HS3ST3B1: variants seen among roughly 807,000 people sequenced by gnomAD.
HS3ST3B1 encodes the protein heparan sulfate glucosamine 3-O-sulfotransferase 3B1.
A neutral mutation model predicts 21.3 loss-of-function variants in HS3ST3B1; 13 were observed. The ratio of observed to expected loss-of-function variants is 0.61; its 90% CI spans 0.40 to 0.97. The LOEUF is 0.97. Ranked by LOEUF, HS3ST3B1 falls within the 50% of genes least tolerant of loss-of-function variation. The probability of loss-of-function intolerance (pLI) is 0.00; values close to 1 mark genes in which losing one functional copy is unlikely to be tolerated. For missense variants in HS3ST3B1, 459 were observed against 554.8 expected (o/e 0.83, Z 1.73); for synonymous variants, 234 against 254.8 (o/e 0.92, Z 0.78).
intron 1 of HS3ST3B1, among the ~76,000 whole-genome samples, chr17:14,338,285 C>T (rs555223060): frequency 6.6e-6 from 1 of 151,172 alleles, no homozygotes; most frequent in Non-Finnish European, 1.5e-5. Context: ...GCCGCCACGC[C>T]CGGCTAATTT....
At chr17:14,318,786 T>A (rs957953254) in intron 1 of HS3ST3B1, among the ~76,000 whole-genome samples, 3 of 152,160 alleles carry the variant, frequency 2.0e-5, no homozygotes, top group African/African-American at 7.2e-5. Context: ...TCACTGTTAT[T>A]TTTGGGATGG....
chr17:14,336,808 C>T (rs1301934374), intron 1 of HS3ST3B1, among the ~76,000 whole-genome samples: 1 of 152,122 alleles, frequency 6.6e-6, no homozygotes, highest in Non-Finnish European at 1.5e-5. Flanking sequence ...TAAATGAGAA[C>T]TTAGTGTCTT....
rs1908901627 is a variant in HS3ST3B1 at position 14,301,199 on chromosome 17, C to T, written c.-320C>T. The T allele has an allele frequency of 7.5e-6, 3 of 402,212 alleles. No individual in the cohort carries two copies. The highest frequency in any genetic ancestry group is 8.8e-6 in the Non-Finnish European group (2 of 226,636). 24.9% of individuals were successfully genotyped at this position (402,212 alleles called of 1,614,324 possible). On this transcript the variant is annotated 5_prime_UTR_variant, in exon 1 of 2. Coordinates refer to ENST00000360954, the MANE Select transcript of HS3ST3B1 (RefSeq NM_006041.3). Reference sequence around the variant, plus strand: ...TGCGCACAGTCTAGAGTGGCCAGGGCGCGAGAGTGCAACGTCCTCCTGGCC... The same window carrying T: ...TGCGCACAGTCTAGAGTGGCCAGGGTGCGAGAGTGCAACGTCCTCCTGGCC...
At chr17:14,329,471 A>C (rs1205052786) in intron 1 of HS3ST3B1, 1 of 151,552 alleles carries the variant, frequency 6.6e-6, no homozygotes, top group Non-Finnish European at 1.5e-5. Context: ...AGAGAGAAAG[A>C]AAGAAAAAGA....
At chr17:14,325,822 C>T (rs1031915689) in intron 1 of HS3ST3B1, among the ~76,000 whole-genome samples, 1 of 152,204 alleles carries the variant, frequency 6.6e-6, no homozygotes, top group Non-Finnish European at 1.5e-5. Flanking sequence ...CGCCAACCTC[C>T]TACATTTTAT....
rs917973069 is a variant in HS3ST3B1 at position 14,303,570 on chromosome 17, G to T, written c.554+1498G>T. On this transcript the variant is annotated intron_variant, in intron 1 of 1. Transcript: ENST00000360954. This position sits in a 1 kb window ranked among gnomAD's most constrained non-coding sequence, Gnocchi z 5.7. ...TCTGGAGTCCGACGCCTGGATTCACGTCCTGGCTAGTCGCGTGAACCTTGG... is the reference window on the plus strand; with the variant it reads ...TCTGGAGTCCGACGCCTGGATTCACTTCCTGGCTAGTCGCGTGAACCTTGG... Among the ~76,000 whole-genome samples the T allele has an allele frequency of 6.6e-6, 1 of 152,192 alleles. No individual in the cohort carries two copies. Among genetic ancestry groups the T allele is most frequent in the Non-Finnish European group, 1.5e-5 (1 of 68,046 alleles).
At chr17:14,324,103 C>A (rs1024881363) in intron 1 of HS3ST3B1, among the ~76,000 whole-genome samples, 54 of 152,080 alleles carry the variant, frequency 3.6e-4, no homozygotes, top group African/African-American at 1.3e-3. Context: ...GACCCAGGAG[C>A]CCTTTTCTCG....
intron 1 of HS3ST3B1, among the ~76,000 whole-genome samples, chr17:14,332,006 C>G (rs1156752513): frequency 6.6e-6 from 1 of 152,168 alleles, no homozygotes; most frequent in Non-Finnish European, 1.5e-5. Context: ...TTACAACTTG[C>G]AGTTCAAATT....
intron 1 of HS3ST3B1, among the ~76,000 whole-genome samples, chr17:14,332,015 T>G (rs1910029399): frequency 1.3e-5 from 2 of 152,178 alleles, no homozygotes; most frequent in African/African-American, 4.8e-5. Flanking sequence ...GCAGTTCAAA[T>G]TACAGCTCTC....
At chr17:14,309,141 G>T (rs1443383068) in intron 1 of HS3ST3B1, among the ~76,000 whole-genome samples, 1 of 152,228 alleles carries the variant, frequency 6.6e-6, no homozygotes, top group Non-Finnish European at 1.5e-5. Context: ...TGGACATCCC[G>T]TTCTGGAAGG....
intron 1 of HS3ST3B1, among the ~76,000 whole-genome samples, chr17:14,314,947 A>T (rs532572967): frequency 6.6e-6 from 1 of 152,154 alleles, no homozygotes; most frequent in East Asian, 1.9e-4. Context: ...TTCATTTTAC[A>T]CTTTTGTAGG....
intron 1 of HS3ST3B1, among the ~76,000 whole-genome samples, chr17:14,311,612 C>A (rs180679904): frequency 6.6e-6 from 1 of 152,152 alleles, no homozygotes; most frequent in Non-Finnish European, 1.5e-5. Flanking sequence ...GTTGGACAAA[C>A]GGGTAATGAC....
intron 1 of HS3ST3B1, among the ~76,000 whole-genome samples, chr17:14,341,404 A>G (rs958146848): frequency 9.9e-5 from 15 of 152,280 alleles, no homozygotes; most frequent in African/African-American, 3.6e-4. Flanking sequence ...GCTTCCTTAC[A>G]TCCTTTCCAA....
At chr17:14,324,706 T>C (rs1362005338) in intron 1 of HS3ST3B1, among the ~76,000 whole-genome samples, 3 of 152,140 alleles carry the variant, frequency 2.0e-5, no homozygotes, top group African/African-American at 4.8e-5. Context: ...CTCCACCTCC[T>C]GGGCTCAAGT....
intron 1 of HS3ST3B1, among the ~76,000 whole-genome samples, chr17:14,313,756 G>A (rs1329812362): frequency 1.3e-5 from 2 of 151,832 alleles, no homozygotes; most frequent in Non-Finnish European, 2.9e-5. Context: ...TTTTAGTAGA[G>A]GCGGGGTTCC....
chr17:14,342,246 C>CT (rs11444106), intron 1 of HS3ST3B1, among the ~76,000 whole-genome samples: 15,202 of 149,806 alleles, frequency 0.1, 1,158 homozygotes, highest in African/African-American at 0.21. Context: ...TGGAAATTCT[C>CT]TTTTTTTTTT....
At position 14,301,344 on chromosome 17, in the gene HS3ST3B1, TGCC is replaced by T; in HGVS notation, c.-168_-166del. ...TGTCAAGAGCCGCCGCCGCTACAGC[TGCC>T]GCCGCCACCTGGGGAAGAGCAGCAG... On this transcript the variant is annotated 5_prime_UTR_variant, in exon 1 of 2. Transcript: ENST00000360954. 1.9e-6 allele frequency: 1 copy of T among 525,706 alleles called. No homozygotes were observed. Among genetic ancestry groups the T allele is most frequent in the Non-Finnish European group, 3.1e-6 (1 of 320,170 alleles). The allele number at this position is 525,706 out of a possible 1,614,324, so 32.6% of individuals were successfully genotyped here. A position where few individuals can be genotyped will look rare whatever the true frequency, so the allele number is the denominator to read the frequency against.
rs557493582 is a variant in HS3ST3B1 at position 14,343,228 on chromosome 17, C to A, written c.555-1800C>A. ...CTGCACTCCAGCCTGGGTGACAGAGCGAGACTCTGTCTCAAAAAAAAAAAA... is the reference window on the plus strand; with the variant it reads ...CTGCACTCCAGCCTGGGTGACAGAGAGAGACTCTGTCTCAAAAAAAAAAAA... On this transcript the variant is annotated intron_variant, in intron 1 of 1. Transcript: ENST00000360954. Among the ~76,000 whole-genome samples, 23 of 148,214 alleles carry A rather than the reference C, an allele frequency of 1.6e-4. No individual in the cohort carries two copies. The South Asian group carries it at 4.9e-3, about 32-fold the overall frequency.
intron 1 of HS3ST3B1, among the ~76,000 whole-genome samples, chr17:14,321,754 G>A (rs9890648): frequency 0.048 from 7,282 of 152,152 alleles, 309 homozygotes; most frequent in African/African-American, 0.12. Flanking sequence ...AATTGGGAAC[G>A]AGGAATGAGG....
Sources: allele counts gnomAD v4.1 joint callset (sites outside exome capture counted in the v4.1 genomes callset), GRCh38; gene constraint gnomAD v4.1.1; non-coding constraint Gnocchi (gnomAD v3.1); transcripts MANE v1.5; gene names NCBI Gene and HGNC (gene_info 2026-07-23, HGNC 2026-07-21).